The following GULP1 variants were observed in gnomAD, a reference collection of about 807,000 sequenced individuals.
GULP1 encodes GULP PTB domain containing engulfment adaptor 1.
In GULP1, 19 loss-of-function variants were observed where a neutral mutation model predicts 40.9. That is an observed-to-expected ratio of 0.46 (90% CI 0.32 to 0.68). GULP1 has a LOEUF of 0.68. Ranked by LOEUF, GULP1 falls within the 30% of genes least tolerant of loss-of-function variation. GULP1 has a pLI of 0.03. For synonymous variants in GULP1, 119 were observed against 117.6 expected (o/e 1.01, Z -0.08); for missense variants, 312 against 362.2 (o/e 0.86, Z 1.12).
chr2:188,355,074 G>A (rs1219259797), intron 1 of GULP1, among the ~76,000 whole-genome samples: 1 of 152,012 alleles, frequency 6.6e-6, no homozygotes, highest in Non-Finnish European at 1.5e-5. Flanking sequence ...ATAGCAATAA[G>A]CTCTACATCC....
At chr2:188,486,469 T>A (rs529145014) in intron 4 of GULP1, among the ~76,000 whole-genome samples, 1 of 152,148 alleles carries the variant, frequency 6.6e-6, no homozygotes, top group African/African-American at 2.4e-5. Context: ...ATTAATCTGA[T>A]AAATTTAACA....
intron 1 of GULP1, among the ~76,000 whole-genome samples, chr2:188,307,347 C>T (rs1471398925): frequency 6.6e-6 from 1 of 151,872 alleles, no homozygotes; most frequent in African/African-American, 2.4e-5. Flanking sequence ...TTTGACATAT[C>T]TGCATTAAAA....
chr2:188,589,052 C>T (rs1440223332), intron 11 of GULP1: 1 of 151,952 alleles, frequency 6.6e-6, no homozygotes, highest in Admixed American at 6.6e-5. Flanking sequence ...TTCTTAATCC[C>T]CTTTTACATA....
chr2:188,293,703 C>CTAAG (rs2034306135), intron 1 of GULP1: 1 of 152,190 alleles, frequency 6.6e-6, no homozygotes, highest in South Asian at 2.1e-4. Context: ...AGCAGACAGG[C>CTAAG]TAAGGTACTG....
At chr2:188,302,177 T>C (rs1235481933) in intron 1 of GULP1, among the ~76,000 whole-genome samples, 3 of 152,184 alleles carry the variant, frequency 2.0e-5, no homozygotes, top group Admixed American at 1.3e-4. Flanking sequence ...TAAAAACTTA[T>C]TATTCAAATC....
At chr2:188,314,836 C>T (rs1278924394) in intron 1 of GULP1, among the ~76,000 whole-genome samples, 1 of 152,112 alleles carries the variant, frequency 6.6e-6, no homozygotes. Context: ...GATAAAACCC[C>T]ACACTATCCC....
At chr2:188,444,596 T>G (rs1292025792) in intron 2 of GULP1, among the ~76,000 whole-genome samples, 1 of 152,228 alleles carries the variant, frequency 6.6e-6, no homozygotes, top group Non-Finnish European at 1.5e-5. Flanking sequence ...GGTCACTCCT[T>G]TCTCTCACAG....
chr2:188,562,672 C>T (rs1696610160), intron 7 of GULP1, among the ~76,000 whole-genome samples: 1 of 151,982 alleles, frequency 6.6e-6, no homozygotes, highest in African/African-American at 2.4e-5. Context: ...ACCCCCAAAA[C>T]CCAATATCAT....
intron 2 of GULP1, among the ~76,000 whole-genome samples, chr2:188,386,952 A>G (rs1191079483): frequency 6.6e-6 from 1 of 152,148 alleles, no homozygotes; most frequent in Non-Finnish European, 1.5e-5. Context: ...AGTGAATGTT[A>G]TATGGCCGAG....
In GULP1 at chr2:188,400,508, G is replaced by A. The variant is rs544490296; in HGVS notation, c.-45+16619G>A. ...AGGAGAGATGATGGTGACGAGGCTA[G>A]TGTAACAGATGGTAAGGAAACATGT... On this transcript the variant is annotated intron_variant, in intron 2 of 11. Coordinates refer to ENST00000409830, the MANE Select transcript of GULP1 (RefSeq NM_016315.4). Among the ~76,000 whole-genome samples, 4 of 152,230 alleles carry A rather than the reference G, an allele frequency of 2.6e-5. No homozygotes were observed. In the South Asian group the frequency reaches 8.3e-4, roughly 32 times the overall value.
intron 1 of GULP1, among the ~76,000 whole-genome samples, chr2:188,300,245 C>T (rs1456507493): frequency 6.6e-6 from 1 of 152,042 alleles, no homozygotes; most frequent in Non-Finnish European, 1.5e-5. Flanking sequence ...TATGATTTGG[C>T]TCTGCATCTT....
intron 1 of GULP1, among the ~76,000 whole-genome samples, chr2:188,343,767 CTA>C (rs929886292): frequency 3.9e-5 from 6 of 152,070 alleles, no homozygotes; most frequent in African/African-American, 1.4e-4. Flanking sequence ...CAAATTTCTT[CTA>C]TGTTTTAATA....
At chr2:188,593,833 T>A in intron 11 of GULP1, 107 bp from the exon 12 acceptor site, 1 of 664,744 alleles carries the variant, frequency 1.5e-6, no homozygotes, top group Non-Finnish European at 2.7e-6. Context: ...TATTTATTAG[T>A]TGATCAAAGC....
chr2:188,498,272 C>G (rs886825794), intron 4 of GULP1, among the ~76,000 whole-genome samples: 2 of 151,894 alleles, frequency 1.3e-5, no homozygotes, highest in African/African-American at 4.8e-5. Context: ...TAACACAACA[C>G]TACTTCAGTT....
At chr2:188,315,182 A>G (rs1192435038) in intron 1 of GULP1, among the ~76,000 whole-genome samples, 1 of 152,178 alleles carries the variant, frequency 6.6e-6, no homozygotes, top group Non-Finnish European at 1.5e-5. Flanking sequence ...AAGGAAAAGA[A>G]ACTCAGGCTA....
intron 1 of GULP1, among the ~76,000 whole-genome samples, chr2:188,316,580 C>A (rs756223918): frequency 6.6e-6 from 1 of 152,106 alleles, no homozygotes; most frequent in Non-Finnish European, 1.5e-5. Context: ...TGCTCCTCCC[C>A]AGCTGTCCCT....
At chr2:188,560,710 T>A (rs1467070214) in intron 7 of GULP1, among the ~76,000 whole-genome samples, 1 of 152,192 alleles carries the variant, frequency 6.6e-6, no homozygotes, top group Non-Finnish European at 1.5e-5. Flanking sequence ...GATGCTGGCC[T>A]CTACACTGCT....
chr2:188,579,818 A>G (rs1700902416), intron 9 of GULP1, among the ~76,000 whole-genome samples: 1 of 152,214 alleles, frequency 6.6e-6, no homozygotes, highest in Admixed American at 6.5e-5. Context: ...TGCAGACACC[A>G]TGATAAAAAT....
rs200667155 is a variant in GULP1 at position 188,568,757 on chromosome 2, G to A, written c.400-482G>A. The stretch of plus-strand genomic sequence containing the variant: ...GAGGGCATACCTCAAGTTTTCCAGA[G>A]ACACCACCTGGCCAGCCTCATTCAA... On this transcript the variant is annotated intron_variant, in intron 7 of 11. Coordinates refer to ENST00000409830, the MANE Select transcript of GULP1 (RefSeq NM_016315.4). Among the ~76,000 whole-genome samples, 25 of 152,214 alleles carry A rather than the reference G, an allele frequency of 1.6e-4. No individual in the cohort carries two copies. In the East Asian group the frequency reaches 4.8e-3, roughly 29 times the overall value.
Sources: allele counts gnomAD v4.1 joint callset (sites outside exome capture counted in the v4.1 genomes callset), GRCh38; gene constraint gnomAD v4.1.1; transcripts MANE v1.5; gene names NCBI Gene and HGNC (gene_info 2026-07-23, HGNC 2026-07-21).